Variants in CACNA1H observed in about 807,000 individuals in gnomAD.
CACNA1H encodes the protein voltage-dependent T-type calcium channel subunit alpha-1H.
CACNA1H carries 149 observed loss-of-function variants against 192.5 expected under a neutral mutation model. The observed-to-expected ratio is 0.77, with a 90% CI of 0.68 to 0.89. The LOEUF (loss-of-function observed/expected upper bound fraction) is 0.89. CACNA1H is among the 40% of genes least tolerant of loss of function. The pLI, the probability that CACNA1H is intolerant of heterozygous loss-of-function variation, is 0.00. For missense variants in CACNA1H, 4,257 were observed against 3,423.5 expected, an observed-to-expected ratio of 1.24 and a Z score of -6.08; for synonymous variants, 2,202 against 1,475.2, an observed-to-expected ratio of 1.49 and a Z score of -11.29.
At position 1,204,257 on chromosome 16, in the gene CACNA1H, C is replaced by G; in HGVS notation, c.2250C>G (p.Asp750Glu). 1 of 1,609,822 alleles carries G rather than the reference C, an allele frequency of 6.2e-7. No homozygotes were observed. Among genetic ancestry groups the G allele is most frequent in the South Asian group, 1.1e-5 (1 of 90,700 alleles). The change falls in exon 10 of 35, where the codon GAC becomes GAG. Residue 750 changes from aspartate (D) to glutamate (E), a missense_variant. Coordinates refer to ENST00000348261, the MANE Select transcript of CACNA1H (RefSeq NM_021098.3). Reference protein sequence around the residue: ...WDPTRPPRATDTPGPGPGSPQ... With the variant: ...WDPTRPPRATETPGPGPGSPQ... ...CCACGCGACCACCCCGTGCGACGGACACACCAGGCCCAGGCCCAGGCAGCC... is the reference window on the plus strand; with the variant it reads ...CCACGCGACCACCCCGTGCGACGGAGACACCAGGCCCAGGCCCAGGCAGCC...
intron 6 of CACNA1H, among the ~76,000 whole-genome samples, chr16:1,199,992 C>G (rs770071216): frequency 6.6e-6 from 1 of 152,138 alleles, no homozygotes; most frequent in African/African-American, 2.4e-5. Flanking sequence ...TCTCTGTGGA[C>G]TTGGGCTGAG....
chr16:1,172,857 G>A (rs1964506132), intron 2 of CACNA1H, among the ~76,000 whole-genome samples: 1 of 152,124 alleles, frequency 6.6e-6, no homozygotes, highest in South Asian at 2.1e-4. Context: ...CTCCGAGGCG[G>A]GGCAGGGGCT....
chr16:1,166,190 C>T (rs984074669), intron 2 of CACNA1H, among the ~76,000 whole-genome samples: 1 of 152,188 alleles, frequency 6.6e-6, no homozygotes, highest in African/African-American at 2.4e-5. Context: ...GTGAGGGTGC[C>T]TCTTGCCCCT....
At chr16:1,163,707 G>A (rs1963460000) in intron 2 of CACNA1H, among the ~76,000 whole-genome samples, 1 of 152,218 alleles carries the variant, frequency 6.6e-6, no homozygotes, top group African/African-American at 2.4e-5. Context: ...TGTGTCTGAG[G>A]ATGGCTTAGG....
intron 10 of CACNA1H, among the ~76,000 whole-genome samples, chr16:1,204,761 G>C (rs543478764): frequency 1.5e-5 from 2 of 136,584 alleles, no homozygotes; most frequent in African/African-American, 5.3e-5. Context: ...GATCAGTGCC[G>C]GGGAGGGGTG....
intron 2 of CACNA1H, among the ~76,000 whole-genome samples, chr16:1,194,261 T>C (rs1297293666): frequency 6.6e-6 from 1 of 152,182 alleles, no homozygotes; most frequent in African/African-American, 2.4e-5. Flanking sequence ...GCAGGGACTG[T>C]CAGAGCTGGT....
In CACNA1H at chr16:1,194,945, G is replaced by A. The variant is rs565748657; in HGVS notation, c.300-27G>A. On this transcript the variant is annotated intron_variant, in intron 2 of 34. Transcript: ENST00000348261. ...ATGGGAGCGGGTCCCGGGCCGCGCC[G>A]GTGTGCTCCTTAACCCGCGGCGACA... 2.1e-3 allele frequency: 3,233 copies of A among 1,553,656 alleles called. 79 individuals carry two copies. The South Asian group carries it at 0.034, about 16-fold the overall frequency.
chr16:1,158,809 C>T lies in CACNA1H; in HGVS notation c.299+4773C>T, dbSNP rs529764254. On this transcript the variant is annotated intron_variant, in intron 2 of 34. Transcript: ENST00000348261. Reference sequence around the variant, plus strand: ...TCCTGCCCCGCCGCACCCCCGGCCCCGCAGGGCGCCACTCAGCCCGCACCC... The same window carrying T: ...TCCTGCCCCGCCGCACCCCCGGCCCTGCAGGGCGCCACTCAGCCCGCACCC... Among the ~76,000 whole-genome samples, 178 of 152,098 alleles carry T rather than the reference C, an allele frequency of 1.2e-3. 1 individual carries two copies. The highest frequency in any genetic ancestry group is 3.6e-3 in the African/African-American group (148 of 41,514).
chr16:1,195,599 C>G (rs771440171), intron 4 of CACNA1H, 34 bp downstream of exon 4: 2 of 1,574,248 alleles, frequency 1.3e-6, no homozygotes, highest in Non-Finnish European at 1.7e-6. Flanking sequence ...ACAGCGCTGG[C>G]GAAGGGGCCC....
rs199788717 is a variant in CACNA1H at position 1,213,880 on chromosome 16, C to T, written c.4878C>T (p.Ile1626=). ...ATCTCGACCTCTTCATCACCTTCAT[C>T]ATCTGTGTCAACGTCATCACCATGT... ...SHYLDLFITF[I]ICVNVITMSM... Residue 1626 remains isoleucine (I), a synonymous_variant, in exon 27 of 35, where the codon ATC becomes ATT. Coordinates refer to ENST00000348261, the MANE Select transcript of CACNA1H (RefSeq NM_021098.3). 8 of 1,611,654 alleles carry T rather than the reference C, an allele frequency of 5.0e-6. No homozygotes were observed. The highest frequency in any genetic ancestry group is 4.5e-5 in the East Asian group (2 of 44,810).
chr16:1,208,828 C>T (rs933443830), intron 16 of CACNA1H, among the ~76,000 whole-genome samples: 7 of 152,216 alleles, frequency 4.6e-5, no homozygotes, highest in African/African-American at 7.2e-5. Context: ...GCATCACCCC[C>T]GCGAGGCGGA....
At position 1,198,544 on chromosome 16, in the gene CACNA1H, G is replaced by A. The variant is rs553874503; in HGVS notation, c.644-71G>A. On this transcript the variant is annotated intron_variant, in intron 5 of 34. Transcript: ENST00000348261. ...ACAGTGGACGGGGCTCGGGGGTCCC[G>A]GGAGGGGCTGCAGCCCCGAGGACAC... 51 of 1,550,584 alleles carry A rather than the reference G, an allele frequency of 3.3e-5. No individual in the cohort carries two copies. The South Asian group carries it at 4.2e-4, about 13-fold the overall frequency.
chr16:1,216,166 C>T (rs139524398), intron 30 of CACNA1H, among the ~76,000 whole-genome samples: 1 of 152,196 alleles, frequency 6.6e-6, no homozygotes, highest in Non-Finnish European at 1.5e-5. Context: ...TGCCTATGCA[C>T]CCGGCACCTC....
Position 1,217,989 on chromosome 16 carries a change from C to T in CACNA1H, c.5394C>T (p.Phe1798=), listed in dbSNP as rs368056421. ...CCTTCAGCAACTTCGGCATGGCCTT[C>T]CTCACGCTGTTCCGCGTGTCCACGG... ...HATFSNFGMA[F]LTLFRVSTGD... Residue 1798 remains phenylalanine, a synonymous_variant, in exon 32 of 35, where the codon TTC becomes TTT. Transcript: ENST00000348261. The T allele has an allele frequency of 4.4e-5, 71 of 1,604,078 alleles. No individual in the cohort carries two copies. The highest frequency in any genetic ancestry group is 5.6e-5 in the Non-Finnish European group (66 of 1,176,070).
Position 1,204,110 on chromosome 16 carries a change from G to A in CACNA1H, c.2103G>A (p.Pro701=), listed in dbSNP as rs59906488. The A allele has an allele frequency of 4.0e-5, 64 of 1,611,650 alleles. No individual in the cohort carries two copies. Among genetic ancestry groups the A allele is most frequent in the African/African-American group, 3.6e-4 (27 of 75,028 alleles). The change falls in exon 10 of 35, where the codon CCG becomes CCA. Residue 701 remains proline (P), a synonymous_variant. Coordinates refer to ENST00000348261, the MANE Select transcript of CACNA1H (RefSeq NM_021098.3). ...GTLTCELKSC[P]YCTRALEDPE... ...TGACCTGTGAGCTGAAGAGCTGCCC[G>A]TACTGCACCCGTGCCCTGGAGGACC... is the stretch of plus-strand genomic sequence containing the variant.
intron 2 of CACNA1H, among the ~76,000 whole-genome samples, chr16:1,174,405 G>A (rs192772187): frequency 1.3e-5 from 2 of 152,318 alleles, no homozygotes; most frequent in South Asian, 2.1e-4. Context: ...CTGCCAGGAT[G>A]GGGGGCTCCA....
rs562148225 is a variant in CACNA1H, at chr16:1,206,104, C to T, written c.2604C>T (p.Ser868=). 1.0e-5 allele frequency: 16 copies of T among 1,573,704 alleles called. No homozygotes were observed. In the East Asian group the frequency reaches 2.1e-4, roughly 21 times the overall value. ...GACCCTCGCCCCCACCTGTCCGCAGCGTCTGGGAGATCGTGGGGCAGGCGG... is the reference window on the plus strand; with the variant it reads ...GACCCTCGCCCCCACCTGTCCGCAGTGTCTGGGAGATCGTGGGGCAGGCGG... The part of the protein sequence containing the change: ...NIFDGIIVVI[S]VWEIVGQADG... The change falls in exon 12 of 35, where the codon AGC becomes AGT. Residue 868 remains serine (S), a splice_region_variant and synonymous_variant. Transcript: ENST00000348261.
chr16:1,220,275 G>A lies in CACNA1H; in HGVS notation c.6343G>A (p.Ala2115Thr), dbSNP rs1300012903. Residue 2115 changes from alanine (A) to threonine (T), a missense_variant, in exon 35 of 35, where the codon GCC (alanine) becomes ACC (threonine). Ala to Thr is a moderately conservative substitution (Grantham distance 58). Transcript: ENST00000348261. ...TSSACPWQPT[A>T]EPHGPEASPV... ...CTCCGCCTGCCCCTGGCAGCCCACA[G>A]CCGAGCCCCATGGCCCCGAAGCCTC... is the stretch of plus-strand genomic sequence containing the variant. The A allele has an allele frequency of 1.3e-6, 2 of 1,586,826 alleles. No individual in the cohort carries two copies. The highest frequency in any genetic ancestry group is 2.7e-5 in the African/African-American group (2 of 72,886).
intron 2 of CACNA1H, among the ~76,000 whole-genome samples, chr16:1,192,440 T>C (rs952545948): frequency 6.6e-6 from 1 of 152,210 alleles, no homozygotes; most frequent in Admixed American, 6.5e-5. Flanking sequence ...GGCTGGACAG[T>C]CTTAGAGATG....
Sources: allele counts gnomAD v4.1 joint callset (sites outside exome capture counted in the v4.1 genomes callset), GRCh38; gene constraint gnomAD v4.1.1; transcripts MANE v1.5; gene names NCBI Gene and HGNC (gene_info 2026-07-23, HGNC 2026-07-21).